AGBL1: variants seen among roughly 807,000 people sequenced by gnomAD.
AGBL1 encodes the protein AGBL carboxypeptidase 1, also known as cytosolic carboxypeptidase 4.
AGBL1 carries 130 observed loss-of-function variants against 118.9 expected under a neutral mutation model. The observed-to-expected ratio is 1.09, with a 90% CI of 0.95 to 1.26. The LOEUF is 1.26. AGBL1 is among the 50% of genes most tolerant of loss of function. AGBL1 has a pLI of 0.00. For missense variants in AGBL1, 1,584 were observed against 1,298.1 expected, an observed-to-expected ratio of 1.22 and a Z score of -3.38; for synonymous variants, 555 against 478.9, an observed-to-expected ratio of 1.16 and a Z score of -2.08.
chr15:86,393,964 C>T (rs192713314), intron 17 of AGBL1, among the ~76,000 whole-genome samples: 121 of 152,230 alleles, frequency 7.9e-4, no homozygotes, highest in African/African-American at 2.9e-3. Context: ...ATCTAAGAAA[C>T]AGAAGGCGGG....
Position 86,907,154 on chromosome 15 carries a change from GA to G in AGBL1, c.3227del (p.Asp1076ValfsTer106), listed in dbSNP as rs966327404. ...TGAACCTGCCTGCTTGGAGGAGATT[GA>G]TTACAGTACCGACAACAGCTCAGAC... ...EDEPACLEEIDYSTDNSSDQE... is the reference protein window; with the variant it reads ...EDEPACLEEIXYSTDNSSDQE... On this transcript the variant is annotated frameshift_variant, in exon 23 of 23. Coordinates refer to ENST00000614907, the MANE Select transcript of AGBL1 (RefSeq NM_001386094.1). LOFTEE classifies it low-confidence loss of function (END_TRUNC). The G allele has an allele frequency of 6.6e-6, 1 of 152,264 alleles. No individual in the cohort carries two copies. Among genetic ancestry groups the G allele is most frequent in the Admixed American group, 6.5e-5 (1 of 15,270 alleles). 9.4% of individuals were successfully genotyped at this position (152,264 alleles called of 1,614,324 possible). A position where few individuals can be genotyped will look rare whatever the true frequency, so the allele number is the denominator to read the frequency against.
intron 22 of AGBL1, among the ~76,000 whole-genome samples, chr15:86,730,282 G>T (rs570105379): frequency 3.3e-5 from 5 of 152,246 alleles, no homozygotes; most frequent in Non-Finnish European, 7.4e-5. Flanking sequence ...AAACTAAAGA[G>T]CCTCTGCATA....
intron 22 of AGBL1, among the ~76,000 whole-genome samples, chr15:86,889,736 T>C (rs574164715): frequency 1.3e-5 from 2 of 152,342 alleles, no homozygotes; most frequent in South Asian, 2.1e-4. Context: ...TCATTCCTTT[T>C]ATGGCTGCAT....
At chr15:86,679,626 A>G (rs1266857001) in intron 22 of AGBL1, among the ~76,000 whole-genome samples, 2 of 149,948 alleles carry the variant, frequency 1.3e-5, no homozygotes, top group Non-Finnish European at 3.0e-5. Flanking sequence ...TCCTCACCAT[A>G]AACCTAACTT....
At chr15:86,649,637 G>T (rs941645483) in intron 21 of AGBL1, among the ~76,000 whole-genome samples, 7 of 151,414 alleles carry the variant, frequency 4.6e-5, no homozygotes, top group African/African-American at 1.7e-4. Context: ...AGAAAAAATG[G>T]TTACTTTCAT....
intron 1 of AGBL1, among the ~76,000 whole-genome samples, chr15:86,095,756 A>T (rs1374003259): frequency 1.4e-5 from 2 of 144,388 alleles, no homozygotes; most frequent in African/African-American, 2.6e-5. Context: ...TAATTGCCTC[A>T]GTTCTGAAGG....
chr15:86,172,240 G>A (rs75073051), intron 5 of AGBL1, among the ~76,000 whole-genome samples: 2,426 of 152,168 alleles, frequency 0.016, 29 homozygotes, highest in East Asian at 0.071. Flanking sequence ...TTTTTTATTG[G>A]TATATAGTAA....
At chr15:86,892,017 C>G (rs2080059442) in intron 22 of AGBL1, among the ~76,000 whole-genome samples, 1 of 152,154 alleles carries the variant, frequency 6.6e-6, no homozygotes, top group South Asian at 2.1e-4. Flanking sequence ...GAACCAGCCT[C>G]TTATATATCT....
At chr15:86,799,864 G>T (rs1367645936) in intron 22 of AGBL1, among the ~76,000 whole-genome samples, 1 of 152,054 alleles carries the variant, frequency 6.6e-6, no homozygotes, top group Non-Finnish European at 1.5e-5. Context: ...AAAGTTCAAA[G>T]ATTAATTACC....
At chr15:86,269,125 G>T (rs2079117562) in intron 13 of AGBL1, among the ~76,000 whole-genome samples, 1 of 152,140 alleles carries the variant, frequency 6.6e-6, no homozygotes, top group Admixed American at 6.5e-5. Flanking sequence ...CTGGGTAGTA[G>T]TCACACAAGT....
intron 21 of AGBL1, among the ~76,000 whole-genome samples, chr15:86,640,404 T>A (rs2085171454): frequency 6.6e-6 from 1 of 152,152 alleles, no homozygotes; most frequent in South Asian, 2.1e-4. Flanking sequence ...AAGAAACCAT[T>A]GTTAATATTT....
chr15:86,266,282 G>T (rs1412107893), intron 11 of AGBL1, 92 bp from the exon 12 acceptor site: 10 of 827,120 alleles, frequency 1.2e-5, no homozygotes, highest in South Asian at 2.1e-5. Flanking sequence ...TATTTTTCTG[G>T]TGACCCCCAA....
chr15:86,157,244 C>G (rs1365053101), intron 4 of AGBL1, among the ~76,000 whole-genome samples: 1 of 152,126 alleles, frequency 6.6e-6, no homozygotes, highest in Non-Finnish European at 1.5e-5. Context: ...ACCTGAACAC[C>G]AGAGAGCATT....
intron 5 of AGBL1, among the ~76,000 whole-genome samples, chr15:86,221,422 T>A (rs1192123150): frequency 6.6e-6 from 1 of 152,190 alleles, no homozygotes; most frequent in Non-Finnish European, 1.5e-5. Context: ...CAGCTTAAGC[T>A]TTTGCTTTTT....
chr15:86,654,769 T>G (rs974226464), intron 21 of AGBL1, among the ~76,000 whole-genome samples: 1 of 152,106 alleles, frequency 6.6e-6, no homozygotes, highest in African/African-American at 2.4e-5. Context: ...CCTTTTCTGA[T>G]GATGGGCCCT....
intron 5 of AGBL1, among the ~76,000 whole-genome samples, chr15:86,223,490 A>G (rs1337220530): frequency 1.3e-5 from 2 of 152,188 alleles, no homozygotes; most frequent in Non-Finnish European, 2.9e-5. Flanking sequence ...GAATTTTCAG[A>G]AACACCTTCC....
intron 24 of AGBL1, among the ~76,000 whole-genome samples, chr15:87,011,666 C>T (rs1057175302): frequency 1.3e-5 from 2 of 152,104 alleles, no homozygotes; most frequent in African/African-American, 4.8e-5. Context: ...GTAATGGATT[C>T]CCAAAGGAGG....
At chr15:86,665,558 C>T (rs547632683) in intron 21 of AGBL1, among the ~76,000 whole-genome samples, 12 of 151,930 alleles carry the variant, frequency 7.9e-5, no homozygotes, top group African/African-American at 2.7e-4. Context: ...TTGTTGTTTC[C>T]ATTTTAGTTT....
intron 22 of AGBL1, among the ~76,000 whole-genome samples, chr15:86,772,219 G>A (rs1428632168): frequency 6.6e-6 from 1 of 151,920 alleles, no homozygotes; most frequent in Non-Finnish European, 1.5e-5. Context: ...CCTGGTTTGG[G>A]AACCTGACCC....
Sources: gnomAD v4.1 joint callset for allele counts (sites outside exome capture counted in the v4.1 genomes callset) on GRCh38, gnomAD v4.1.1 for gene constraint, MANE v1.5 for transcripts, NCBI Gene and HGNC (gene_info 2026-07-23, HGNC 2026-07-21) for gene names.